RFTN1: variants seen among roughly 807,000 people sequenced by gnomAD.
The protein encoded by RFTN1 is raftlin.
Under a neutral mutation model 46.5 loss-of-function variants are expected in RFTN1, and 26 were observed. The ratio of observed to expected loss-of-function variants is 0.56; its 90% CI spans 0.41 to 0.78. RFTN1 has a LOEUF of 0.78. RFTN1 is among the 30% of genes least tolerant of loss of function. RFTN1 has a pLI of 0.00. For synonymous variants in RFTN1, 261 were observed against 284.2 expected (o/e 0.92, Z 0.82); for missense variants, 693 against 718.7 (o/e 0.96, Z 0.41).
intron 2 of RFTN1, among the ~76,000 whole-genome samples, chr3:16,467,083 CA>C (rs2076108453): frequency 6.6e-6 from 1 of 151,650 alleles, no homozygotes; most frequent in Non-Finnish European, 1.5e-5. Context: ...GAGAGATACA[CA>C]AAACAAAAAG....
At chr3:16,415,622 C>G (rs527449403) in intron 3 of RFTN1, among the ~76,000 whole-genome samples, 1 of 151,792 alleles carries the variant, frequency 6.6e-6, no homozygotes, top group Admixed American at 6.6e-5. Context: ...TTGGGACCCT[C>G]CACCATGAAG....
intron 2 of RFTN1, among the ~76,000 whole-genome samples, chr3:16,463,012 A>C (rs55885717): frequency 0.047 from 7,155 of 152,322 alleles, 227 homozygotes; most frequent in Middle Eastern, 0.061. Context: ...GAAACACAGG[A>C]AGCATGAGGC....
At chr3:16,409,977 G>A (rs980317245) in intron 3 of RFTN1, among the ~76,000 whole-genome samples, 4 of 149,588 alleles carry the variant, frequency 2.7e-5, no homozygotes, top group Non-Finnish European at 5.9e-5. Context: ...ATGAGCCACT[G>A]TGCCCAGACG....
chr3:16,349,834 G>T (rs2071972524), intron 7 of RFTN1: 1 of 152,240 alleles, frequency 6.6e-6, no homozygotes, highest in South Asian at 2.1e-4. Flanking sequence ...TGACTGTGGA[G>T]GATGTAAAAT....
At chr3:16,326,402 CTTTTT>C (rs1309068181) in intron 8 of RFTN1, among the ~76,000 whole-genome samples, 1 of 152,152 alleles carries the variant, frequency 6.6e-6, no homozygotes, top group East Asian at 1.9e-4. Flanking sequence ...TTTTTCTTTT[CTTTTT>C]GAGGACTGAG....
Position 16,373,520 on chromosome 3 carries a change from C to T in RFTN1, c.827-3241G>A, listed in dbSNP as rs528103393. On this transcript the variant is annotated intron_variant, in intron 5 of 9. Coordinates refer to ENST00000334133, the MANE Select transcript of RFTN1 (RefSeq NM_015150.2). ...TCCAGCCCTGAGGTCTGTACCTGGG[C>T]GTGGGGACTCTGGCACAGGATGGAA... Among the ~76,000 whole-genome samples, 10 of 152,292 alleles carry T rather than the reference C, an allele frequency of 6.6e-5. No homozygotes were observed. In the South Asian group the frequency reaches 1.0e-3, roughly 16 times the overall value.
rs1461419633 is a variant in RFTN1 at position 16,387,567 on chromosome 3, A to C, written c.442-9465T>G. 1.6e-4 allele frequency among the ~76,000 whole-genome samples: 6 copies of C among 38,510 alleles called. No individual in the cohort carries two copies. In the East Asian group the frequency reaches 1.9e-3, roughly 12 times the overall value. 25.3% of individuals were successfully genotyped at this position (38,510 alleles called of 152,430 possible). ...GACCACTTCTCTCTTCTATATCCTC[A>C]ATTTCTCTCTCTCTCTCTCTCTCTC... On this transcript the variant is annotated intron_variant, in intron 4 of 9. Transcript: ENST00000334133. This position sits in a 1 kb window ranked among gnomAD's most constrained non-coding sequence, Gnocchi z 5.2.
chr3:16,492,436 C>T lies in RFTN1; in HGVS notation c.145+1289G>A, dbSNP rs141275483. ...ACAACTGCCCCATGAAGTGGACACC[C>T]GTGTTCCTTTTATAGATGAGGACAC... is the stretch of plus-strand genomic sequence containing the variant. On this transcript the variant is annotated intron_variant, in intron 2 of 9. Coordinates refer to ENST00000334133, the MANE Select transcript of RFTN1 (RefSeq NM_015150.2). Among the ~76,000 whole-genome samples, 1,214 of 152,296 alleles carry T rather than the reference C, an allele frequency of 8.0e-3. 14 individuals carry two copies. The highest frequency in any genetic ancestry group is 0.028 in the African/African-American group (1,172 of 41,560).
rs553017573 is a variant in RFTN1, at chr3:16,321,477, G to A, written c.1332+1899C>T. On this transcript the variant is annotated intron_variant, in intron 9 of 9. Coordinates refer to ENST00000334133, the MANE Select transcript of RFTN1 (RefSeq NM_015150.2). The surrounding 1 kb of genome is among the most constrained non-coding windows in gnomAD (Gnocchi z 4.8). ...ATGAGGACTAGATGGAGTGACTCTC[G>A]GTCACCAGGGGACACAGGCCTGTGG... 3.3e-5 allele frequency among the ~76,000 whole-genome samples: 5 copies of A among 152,210 alleles called. No homozygotes were observed. Among genetic ancestry groups the A allele is most frequent in the East Asian group, 3.9e-4 (2 of 5,178 alleles).
intron 1 of RFTN1, among the ~76,000 whole-genome samples, chr3:16,495,452 T>G (rs2076608974): frequency 6.6e-6 from 1 of 152,250 alleles, no homozygotes; most frequent in Non-Finnish European, 1.5e-5. Flanking sequence ...CAAAGCATTA[T>G]TAGCGATTCA....
chr3:16,399,705 G>A (rs1357432662), intron 4 of RFTN1, among the ~76,000 whole-genome samples: 8 of 152,084 alleles, frequency 5.3e-5, no homozygotes, highest in Admixed American at 1.3e-4. Context: ...GCCAGCAGGC[G>A]TCTCCAGCCC....
In RFTN1 at chr3:16,421,136, G is replaced by A. The variant is rs963074769; in HGVS notation, c.333-11653C>T. Among the ~76,000 whole-genome samples the A allele has an allele frequency of 1.7e-4, 26 of 152,044 alleles. No individual in the cohort carries two copies. Among genetic ancestry groups the A allele is most frequent in the Admixed American group, 1.4e-3 (22 of 15,270 alleles). ...AACAAAACATACAAAACAGAAAATC[G>A]TAAACAACAGAAATGATGAAATAAG... is the stretch of plus-strand genomic sequence containing the variant. On this transcript the variant is annotated intron_variant, in intron 3 of 9. Transcript: ENST00000334133. This position sits in a 1 kb window ranked among gnomAD's most constrained non-coding sequence, Gnocchi z 4.6.
rs1397398881 is a variant in RFTN1 at position 16,483,031 on chromosome 3, G to A, written c.145+10694C>T. On this transcript the variant is annotated intron_variant, in intron 2 of 9. Transcript: ENST00000334133. This position sits in a 1 kb window ranked among gnomAD's most constrained non-coding sequence, Gnocchi z 4.8. ...CAGGGCTTCTGACATTTTGCTCCAAGGTTTGTTTGTTTTTACTTAGAAAAA... is the reference window on the plus strand; with the variant it reads ...CAGGGCTTCTGACATTTTGCTCCAAAGTTTGTTTGTTTTTACTTAGAAAAA... 1.3e-5 allele frequency among the ~76,000 whole-genome samples: 2 copies of A among 152,118 alleles called. No individual in the cohort carries two copies. The highest frequency in any genetic ancestry group is 4.8e-5 in the African/African-American group (2 of 41,406).
At chr3:16,470,085 C>A (rs888650720) in intron 2 of RFTN1, among the ~76,000 whole-genome samples, 3 of 152,152 alleles carry the variant, frequency 2.0e-5, no homozygotes, top group African/African-American at 7.2e-5. Flanking sequence ...TGTGTTCTGA[C>A]ACCAGAGATG....
At chr3:16,470,109 C>A (rs901312630) in intron 2 of RFTN1, among the ~76,000 whole-genome samples, 3 of 152,092 alleles carry the variant, frequency 2.0e-5, no homozygotes, top group Admixed American at 6.5e-5. Flanking sequence ...TTTCTCTGGG[C>A]CTTCATTTGT....
chr3:16,497,311 C>A lies in RFTN1; in HGVS notation c.-8-3434G>T, dbSNP rs910009265. Among the ~76,000 whole-genome samples the A allele has an allele frequency of 3.0e-4, 45 of 152,246 alleles. 2 individuals carry two copies. The highest frequency in any genetic ancestry group is 2.9e-3 in the Admixed American group (45 of 15,288). On this transcript the variant is annotated intron_variant, in intron 1 of 9. Transcript: ENST00000334133. ...ATGGAATAAAGGCAAAACACAAAAT[C>A]ATCTACGTACTGGGTCTCAATTCTT... is the stretch of plus-strand genomic sequence containing the variant.
At chr3:16,510,202 C>T (rs901330485) in intron 1 of RFTN1, among the ~76,000 whole-genome samples, 2 of 152,178 alleles carry the variant, frequency 1.3e-5, no homozygotes, top group African/African-American at 2.4e-5. Context: ...CTGACCTGCC[C>T]CTCAAAATAA....
chr3:16,420,580 C>G (rs1234049439), intron 3 of RFTN1, among the ~76,000 whole-genome samples: 2 of 152,194 alleles, frequency 1.3e-5, no homozygotes, highest in African/African-American at 2.4e-5. Flanking sequence ...TTTCTTCCTT[C>G]CCAAATCATC....
chr3:16,318,513 G>A (rs150940854), intron 9 of RFTN1, among the ~76,000 whole-genome samples: 200 of 152,254 alleles, frequency 1.3e-3, no homozygotes, highest in African/African-American at 4.6e-3. Context: ...CTATGTAAAT[G>A]TTTAAAAATC....
Sources: gnomAD v4.1 joint callset for allele counts (sites outside exome capture counted in the v4.1 genomes callset) on GRCh38, gnomAD v4.1.1 for gene constraint, Gnocchi (gnomAD v3.1) non-coding constraint, MANE v1.5 for transcripts, NCBI Gene and HGNC (gene_info 2026-07-23, HGNC 2026-07-21) for gene names.